XYLT1: variants seen among roughly 807,000 people sequenced by gnomAD.
XYLT1 encodes xylosyltransferase 1.
Under a neutral mutation model 91.3 loss-of-function variants are expected in XYLT1, and 36 were observed. That is an observed-to-expected ratio of 0.39 (90% confidence interval 0.30 to 0.52). XYLT1 has a LOEUF of 0.52. XYLT1 is among the 20% of genes least tolerant of loss of function. The pLI is 0.68. For missense variants in XYLT1, 1,242 were observed against 1,284.5 expected (o/e 0.97, Z 0.51); for synonymous variants, 588 against 532.0 (o/e 1.11, Z -1.45).
intron 5 of XYLT1, chr16:17,197,948 C>T (rs2032462682): frequency 5.6e-6 from 3 of 532,558 alleles, no homozygotes; most frequent in Non-Finnish European, 1.0e-5. Flanking sequence ...ATATAAAGCT[C>T]CACGCGGGTT....
chr16:17,197,786 G>T (rs1328205402), intron 5 of XYLT1, among the ~76,000 whole-genome samples: 1 of 152,192 alleles, frequency 6.6e-6, no homozygotes, highest in Non-Finnish European at 1.5e-5. Flanking sequence ...TACTTTTGAG[G>T]TTTTGAGAAT....
intron 2 of XYLT1, among the ~76,000 whole-genome samples, chr16:17,349,389 A>C (rs1229942125): frequency 6.6e-6 from 1 of 152,080 alleles, no homozygotes; most frequent in Non-Finnish European, 1.5e-5. Context: ...TGATATCTCT[A>C]CCTATCTTGT....
At chr16:17,194,279 C>T (rs1017054130) in intron 5 of XYLT1, 3 of 152,204 alleles carry the variant, frequency 2.0e-5, no homozygotes, top group African/African-American at 4.8e-5. Flanking sequence ...AGATTCGAGC[C>T]GTAAGCAGTT....
At chr16:17,424,609 GC>G (rs1395410828) in intron 1 of XYLT1, among the ~76,000 whole-genome samples, 1 of 152,086 alleles carries the variant, frequency 6.6e-6, no homozygotes, top group Non-Finnish European at 1.5e-5. Flanking sequence ...GGTGGCTCAT[GC>G]CGTGATCCCA....
chr16:17,376,128 T>C (rs2035597889), intron 1 of XYLT1, among the ~76,000 whole-genome samples: 1 of 152,250 alleles, frequency 6.6e-6, no homozygotes, highest in Admixed American at 6.5e-5. Flanking sequence ...TTTCACGACC[T>C]GGTGGCAGTG....
chr16:17,375,321 T>A (rs571580949), intron 1 of XYLT1, among the ~76,000 whole-genome samples: 1 of 152,158 alleles, frequency 6.6e-6, no homozygotes, highest in South Asian at 2.1e-4. Context: ...AAAGCTAAGA[T>A]TAGCTAATAA....
intron 5 of XYLT1, among the ~76,000 whole-genome samples, chr16:17,171,224 C>T (rs1259858972): frequency 6.6e-6 from 1 of 152,086 alleles, no homozygotes; most frequent in Non-Finnish European, 1.5e-5. Context: ...CTGCACTGTG[C>T]CAGGAGTAGG....
intron 3 of XYLT1, chr16:17,250,569 C>T (rs2033521511): frequency 6.6e-6 from 1 of 152,252 alleles, no homozygotes; most frequent in Non-Finnish European, 1.5e-5. Context: ...GTGTGAGGCC[C>T]TGTCCTGGAG....
intron 5 of XYLT1, among the ~76,000 whole-genome samples, chr16:17,160,338 T>C (rs2031517277): frequency 1.3e-5 from 2 of 152,170 alleles, no homozygotes; most frequent in South Asian, 4.1e-4. Flanking sequence ...GCCTCCCAAC[T>C]CTTTGGTCTG....
chr16:17,163,115 A>T (rs529002229), intron 5 of XYLT1, among the ~76,000 whole-genome samples: 1 of 152,320 alleles, frequency 6.6e-6, no homozygotes, highest in Admixed American at 6.5e-5. Context: ...ACCCAACCTG[A>T]TTTGAACTTG....
intron 2 of XYLT1, among the ~76,000 whole-genome samples, chr16:17,264,919 T>C (rs191979768): frequency 1.1e-3 from 169 of 152,294 alleles, no homozygotes; most frequent in Non-Finnish European, 2.0e-3. Context: ...CCGGGCACAG[T>C]GGCTCACACC....
chr16:17,379,761 T>TCACACACACACACACACACACA (rs1466780792), intron 1 of XYLT1, among the ~76,000 whole-genome samples: 8 of 117,730 alleles, frequency 6.8e-5, no homozygotes, highest in African/African-American at 3.1e-4. Context: ...TCTCTCTCTC[T>TCACACACACACACACACACACA]CTCACACACA....
At chr16:17,178,126 T>C (rs1452146720) in intron 5 of XYLT1, among the ~76,000 whole-genome samples, 1 of 152,138 alleles carries the variant, frequency 6.6e-6, no homozygotes. Context: ...TCTGCGGGGC[T>C]GGATAGCCAT....
chr16:17,295,342 G>T (rs66637305), intron 2 of XYLT1, among the ~76,000 whole-genome samples: 65,469 of 149,152 alleles, frequency 0.44, 15,833 homozygotes, highest in African/African-American at 0.65. Context: ...TTTTTGTTTT[G>T]TTTTGTTTTG....
intron 2 of XYLT1, among the ~76,000 whole-genome samples, chr16:17,352,793 TG>T (rs2035240154): frequency 6.6e-6 from 1 of 152,202 alleles, no homozygotes; most frequent in African/African-American, 2.4e-5. Context: ...AATATCTATT[TG>T]TACCTTTTTC....
chr16:17,109,033 A>T lies in XYLT1; in HGVS notation c.2558-16T>A. 1 of 1,497,826 alleles carries T rather than the reference A, an allele frequency of 6.7e-7. No homozygotes were observed. Among genetic ancestry groups the T allele is most frequent in the Non-Finnish European group, 8.9e-7 (1 of 1,121,354 alleles). The allele number at this position is 1,497,826 out of a possible 1,614,324, so 92.8% of individuals were successfully genotyped here. On this transcript the variant is annotated splice_polypyrimidine_tract_variant and intron_variant, in intron 11 of 11. Coordinates refer to ENST00000261381, the MANE Select transcript of XYLT1 (RefSeq NM_022166.4). ...AGTGCCTCCTCTGAAAGCCAAAGGG[A>T]ACAATTTCAGGATCAGAAGAGCCAC...
intron 3 of XYLT1, among the ~76,000 whole-genome samples, chr16:17,233,144 G>T (rs191693931): frequency 6.3e-4 from 96 of 152,228 alleles, no homozygotes; most frequent in African/African-American, 2.3e-3. Context: ...CTTCCAACAA[G>T]CCTCTCCCCA....
chr16:17,438,887 T>C (rs2036496270), intron 1 of XYLT1, among the ~76,000 whole-genome samples: 1 of 151,976 alleles, frequency 6.6e-6, no homozygotes, highest in African/African-American at 2.4e-5. Flanking sequence ...GAATTACAAT[T>C]CAACATGAGA....
chr16:17,264,099 A>T (rs929771827), intron 2 of XYLT1, among the ~76,000 whole-genome samples: 5 of 152,118 alleles, frequency 3.3e-5, no homozygotes, highest in African/African-American at 1.2e-4. Flanking sequence ...CATACAGCAA[A>T]TTGTTGTATA....
Sources: gnomAD v4.1 joint callset for allele counts (sites outside exome capture counted in the v4.1 genomes callset) on GRCh38, gnomAD v4.1.1 for gene constraint, MANE v1.5 for transcripts, NCBI Gene and HGNC (gene_info 2026-07-23, HGNC 2026-07-21) for gene names.